ADAMTS3: variants seen among roughly 807,000 people sequenced by gnomAD.
ADAMTS3 encodes the protein ADAM metallopeptidase with thrombospondin type 1 motif 3, also known as A disintegrin and metalloproteinase with thrombospondin motifs 3.
ADAMTS3 carries 73 observed loss-of-function variants against 129.0 expected under a neutral mutation model. That is an observed-to-expected ratio of 0.57 (90% CI 0.47 to 0.69). The LOEUF (loss-of-function observed/expected upper bound fraction) is 0.69. ADAMTS3 is among the 30% of genes least tolerant of loss of function. The pLI is 0.00. For missense variants in ADAMTS3, 1,457 were observed against 1,514.5 expected (o/e 0.96, Z 0.63); for synonymous variants, 477 against 510.8 (o/e 0.93, Z 0.89).
intron 3 of ADAMTS3, among the ~76,000 whole-genome samples, chr4:72,542,669 C>T (rs1247780451): frequency 6.6e-6 from 1 of 152,148 alleles, no homozygotes; most frequent in African/African-American, 2.4e-5. Flanking sequence ...ACTTGGGAGG[C>T]AAACTCCAAA....
At chr4:72,429,409 T>C (rs931052549) in intron 3 of ADAMTS3, among the ~76,000 whole-genome samples, 1 of 152,046 alleles carries the variant, frequency 6.6e-6, no homozygotes, top group Non-Finnish European at 1.5e-5. Flanking sequence ...AAAAGCGATA[T>C]CTACCAACAG....
At chr4:72,481,919 T>TTTCA in intron 3 of ADAMTS3, among the ~76,000 whole-genome samples, 1 of 152,150 alleles carries the variant, frequency 6.6e-6, no homozygotes, top group Admixed American at 6.5e-5. Flanking sequence ...GAAAAGATAA[T>TTTCA]TAACCATTAT....
At chr4:72,403,758 A>G (rs1390020403) in intron 4 of ADAMTS3, among the ~76,000 whole-genome samples, 1 of 152,112 alleles carries the variant, frequency 6.6e-6, no homozygotes, top group African/African-American at 2.4e-5. Context: ...TCCTAACAAG[A>G]GTCCTTTCAG....
chr4:72,338,251 A>G (rs909810445), intron 5 of ADAMTS3, among the ~76,000 whole-genome samples: 2 of 152,156 alleles, frequency 1.3e-5, no homozygotes, highest in Non-Finnish European at 2.9e-5. Flanking sequence ...AATAGTCAAA[A>G]GGTTAATATG....
intron 4 of ADAMTS3, among the ~76,000 whole-genome samples, chr4:72,388,292 A>G (rs1721498466): frequency 6.6e-6 from 1 of 152,120 alleles, no homozygotes; most frequent in Admixed American, 6.5e-5. Flanking sequence ...TCATACCACT[A>G]TTGTGTTTTG....
chr4:72,364,727 C>T (rs1720825203), intron 4 of ADAMTS3, among the ~76,000 whole-genome samples: 1 of 151,872 alleles, frequency 6.6e-6, no homozygotes, highest in African/African-American at 2.4e-5. Flanking sequence ...ATACCACCTC[C>T]AGTTAGTTCA....
rs190588249 is a variant in ADAMTS3, at chr4:72,431,818, G to T, written c.505-16847C>A. 4.7e-4 allele frequency among the ~76,000 whole-genome samples: 72 copies of T among 152,014 alleles called. 1 individual carries two copies. Among genetic ancestry groups the T allele is most frequent in the Non-Finnish European group, 7.9e-4 (54 of 67,928 alleles). On this transcript the variant is annotated intron_variant, in intron 3 of 21. Transcript: ENST00000286657. Reference sequence around the variant, plus strand: ...GGAAATGGGAAGAGGCGATACATAAGATTTATATATACTTAAAATAACCAA... The same window carrying T: ...GGAAATGGGAAGAGGCGATACATAATATTTATATATACTTAAAATAACCAA...
chr4:72,356,712 A>T (rs1720590915), intron 4 of ADAMTS3, among the ~76,000 whole-genome samples: 1 of 151,972 alleles, frequency 6.6e-6, no homozygotes, highest in East Asian at 1.9e-4. Flanking sequence ...ATACAAAACC[A>T]ATACACAAAA....
chr4:72,518,611 T>C (rs1216938484), intron 3 of ADAMTS3, among the ~76,000 whole-genome samples: 6 of 152,300 alleles, frequency 3.9e-5, no homozygotes, highest in African/African-American at 1.4e-4. Flanking sequence ...TTGTCTCTTT[T>C]GATCTTTGTT....
intron 3 of ADAMTS3, among the ~76,000 whole-genome samples, chr4:72,474,532 A>G (rs993420572): frequency 6.6e-6 from 1 of 152,142 alleles, no homozygotes; most frequent in African/African-American, 2.4e-5. Flanking sequence ...AATAGACTAC[A>G]TAAAATAAAC....
At chr4:72,370,690 C>T (rs2109866544) in intron 4 of ADAMTS3, among the ~76,000 whole-genome samples, 1 of 152,200 alleles carries the variant, frequency 6.6e-6, no homozygotes, top group East Asian at 1.9e-4. Flanking sequence ...GCAGAGGTTG[C>T]AGTGAGCGGA....
Position 72,313,615 on chromosome 4 carries a change from C to T in ADAMTS3, c.1745+62G>A, listed in dbSNP as rs371728196. The T allele has an allele frequency of 7.2e-6, 11 of 1,533,114 alleles. No homozygotes were observed. The East Asian group carries it at 9.3e-5, about 13-fold the overall frequency. The allele number at this position is 1,533,114 out of a possible 1,614,324, so 95.0% of individuals were successfully genotyped here. The stretch of plus-strand genomic sequence containing the variant: ...ACTTTATAAAACAGAATACTAATAA[C>T]ATAATATTGAAGTATTTTCTGGTCT... On this transcript the variant is annotated intron_variant, in intron 12 of 21. Coordinates refer to ENST00000286657, the MANE Select transcript of ADAMTS3 (RefSeq NM_014243.3).
At chr4:72,398,311 C>T (rs1721779097) in intron 4 of ADAMTS3, among the ~76,000 whole-genome samples, 1 of 152,144 alleles carries the variant, frequency 6.6e-6, no homozygotes, top group African/African-American at 2.4e-5. Flanking sequence ...AATCCCAGCA[C>T]TTTGGGAGGC....
At chr4:72,530,592 ATT>A (rs1491168898) in intron 3 of ADAMTS3, among the ~76,000 whole-genome samples, 1 of 82,938 alleles carries the variant, frequency 1.2e-5, no homozygotes, top group African/African-American at 5.1e-5. Context: ...TTAAATATAT[ATT>A]AATATTAAAA....
chr4:72,409,270 C>T (rs1053293401), intron 4 of ADAMTS3, among the ~76,000 whole-genome samples: 1 of 152,200 alleles, frequency 6.6e-6, no homozygotes, highest in Non-Finnish European at 1.5e-5. Flanking sequence ...ATTTTAAATA[C>T]TAGCAAAGCT....
At chr4:72,318,975 T>C (rs905271995) in intron 9 of ADAMTS3, among the ~76,000 whole-genome samples, 2 of 152,166 alleles carry the variant, frequency 1.3e-5, no homozygotes, top group African/African-American at 4.8e-5. Context: ...CACCACATGG[T>C]GTGGTAGGGC....
intron 18 of ADAMTS3, among the ~76,000 whole-genome samples, chr4:72,296,185 A>G (rs1446625390): frequency 6.6e-6 from 1 of 152,010 alleles, no homozygotes; most frequent in East Asian, 1.9e-4. Context: ...GGGAGGGGAA[A>G]GCTTAGAGGA....
rs1722157491 is a variant in ADAMTS3 at position 72,410,396 on chromosome 4, A to T, written c.661+4419T>A. Among the ~76,000 whole-genome samples the T allele has an allele frequency of 1.3e-5, 2 of 152,138 alleles. 1 individual carries two copies. Among genetic ancestry groups the T allele is most frequent in the South Asian group, 4.1e-4 (2 of 4,834 alleles). ...CAAGCACTCGGGTTCATGCAGGAAA[A>T]TGAAAATCCTGAAAGGAAGCTAGGA... On this transcript the variant is annotated intron_variant, in intron 4 of 21. Coordinates refer to ENST00000286657, the MANE Select transcript of ADAMTS3 (RefSeq NM_014243.3).
intron 12 of ADAMTS3, 126 bp downstream of exon 12, chr4:72,313,551 C>T (rs943653694): frequency 7.0e-6 from 7 of 995,750 alleles, no homozygotes; most frequent in South Asian, 1.8e-5. Flanking sequence ...GGTTTATGAA[C>T]TGTGAACAAT....
Sources: allele counts gnomAD v4.1 joint callset (sites outside exome capture counted in the v4.1 genomes callset), GRCh38; gene constraint gnomAD v4.1.1; transcripts MANE v1.5; gene names NCBI Gene and HGNC (gene_info 2026-07-23, HGNC 2026-07-21).